Variants in ARL15 observed in about 807,000 individuals in gnomAD.
ARL15 encodes the protein ARF like GTPase 15, also known as ADP-ribosylation factor-like protein 15.
ARL15 carries 19 observed loss-of-function variants against 25.2 expected under a neutral mutation model. That is an observed-to-expected ratio of 0.75 (90% CI 0.53 to 1.10). The LOEUF (loss-of-function observed/expected upper bound fraction) is 1.10. ARL15 is among the 50% of genes least tolerant of loss of function. ARL15 has a pLI of 0.00. For synonymous variants in ARL15, 94 were observed against 86.8 expected, an observed-to-expected ratio of 1.08 and a Z score of -0.46; for missense variants, 220 against 246.0, an observed-to-expected ratio of 0.89 and a Z score of 0.71.
intron 1 of ARL15, among the ~76,000 whole-genome samples, chr5:54,263,528 C>T (rs934127621): frequency 3.3e-5 from 5 of 152,036 alleles, no homozygotes; most frequent in Admixed American, 3.3e-4. Flanking sequence ...TGTATGCTTC[C>T]CAGCCCATTA....
At chr5:54,203,949 G>A (rs931882710) in intron 1 of ARL15, among the ~76,000 whole-genome samples, 19 of 152,172 alleles carry the variant, frequency 1.2e-4, no homozygotes, top group African/African-American at 3.6e-4. Flanking sequence ...AGTCCCTGAG[G>A]GTTGTTTTTC....
intron 1 of ARL15, among the ~76,000 whole-genome samples, chr5:54,192,341 A>T (rs1755427796): frequency 6.6e-6 from 1 of 151,810 alleles, no homozygotes; most frequent in Non-Finnish European, 1.5e-5. Flanking sequence ...TTTCCCACAG[A>T]ACTTACTGTC....
chr5:53,886,695 G>C lies in ARL15; in HGVS notation c.481C>G (p.Leu161Val). 1.3e-6 allele frequency: 2 copies of C among 1,558,500 alleles called. No individual in the cohort carries two copies. The highest frequency in any genetic ancestry group is 1.7e-6 in the Non-Finnish European group (2 of 1,152,890). Reference sequence around the variant, plus strand: ...CGTTTTCCACGTGCAAGTGGTTCAAGTTCAAAATATTTTTTGATCTTAAGA... The same window carrying C: ...CGTTTTCCACGTGCAAGTGGTTCAACTTCAAAATATTTTTTGATCTTAAGA... ...SVQEIKKYFE[L>V]EPLARGKRWI... is the part of the protein sequence containing the mutation. Residue 161 changes from leucine (L) to valine (V), a missense_variant, in exon 5 of 5, where the codon CTT (leucine) becomes GTT (valine). Leu to Val is a conservative substitution (Grantham distance 32). Coordinates refer to ENST00000504924, the MANE Select transcript of ARL15 (RefSeq NM_019087.3).
At chr5:54,084,237 A>G (rs1293825216) in intron 4 of ARL15, among the ~76,000 whole-genome samples, 4 of 152,168 alleles carry the variant, frequency 2.6e-5, no homozygotes, top group Admixed American at 1.3e-4. Flanking sequence ...GAAGGGGTCT[A>G]GAAGGCCTTT....
chr5:54,147,338 C>G (rs1455622330), intron 3 of ARL15, among the ~76,000 whole-genome samples: 1 of 152,058 alleles, frequency 6.6e-6, no homozygotes, highest in Non-Finnish European at 1.5e-5. Context: ...AAGCATCTCT[C>G]CAAGGAGCTT....
rs199885624 is a variant in ARL15 at position 54,172,421 on chromosome 5, GA to G, written c.49-494del. Among the ~76,000 whole-genome samples the G allele has an allele frequency of 2.1e-3, 317 of 147,940 alleles. 4 individuals carry two copies. Among genetic ancestry groups the G allele is most frequent in the East Asian group, 8.1e-3 (41 of 5,034 alleles). Reference sequence around the variant, plus strand: ...TGGACTGGATCCTAGATCAAAAGGGGAAAAAAAAAGCCATAAATGACATTAT... The same window carrying G: ...TGGACTGGATCCTAGATCAAAAGGGGAAAAAAAAGCCATAAATGACATTAT... On this transcript the variant is annotated intron_variant, in intron 1 of 4. Transcript: ENST00000504924.
intron 4 of ARL15, among the ~76,000 whole-genome samples, chr5:54,077,614 G>T (rs966425379): frequency 2.0e-5 from 3 of 152,174 alleles, no homozygotes; most frequent in African/African-American, 7.2e-5. Context: ...TATACTAAAT[G>T]TTGCCCTGGG....
At chr5:54,211,140 T>A (rs1006112488) in intron 1 of ARL15, among the ~76,000 whole-genome samples, 12 of 152,214 alleles carry the variant, frequency 7.9e-5, no homozygotes, top group Non-Finnish European at 1.6e-4. Context: ...TTTCAGTTTA[T>A]CTTCCCAAAT....
chr5:53,989,761 A>T (rs2111648725), intron 4 of ARL15, among the ~76,000 whole-genome samples: 1 of 152,354 alleles, frequency 6.6e-6, no homozygotes, highest in Non-Finnish European at 1.5e-5. Flanking sequence ...TTTTGAAAAG[A>T]AAAATGAGAG....
At chr5:54,264,911 CTTTATTG>C (rs895701744) in intron 1 of ARL15, among the ~76,000 whole-genome samples, 1 of 152,140 alleles carries the variant, frequency 6.6e-6, no homozygotes, top group Non-Finnish European at 1.5e-5. Flanking sequence ...TACTTACCAT[CTTTATTG>C]TTTACTGTGT....
At chr5:53,962,955 AG>A (rs1297379821) in intron 4 of ARL15, among the ~76,000 whole-genome samples, 1 of 152,178 alleles carries the variant, frequency 6.6e-6, no homozygotes, top group Non-Finnish European at 1.5e-5. Flanking sequence ...TTAACTCTCC[AG>A]GCTTTAAATG....
At chr5:54,199,524 C>A (rs866090758) in intron 1 of ARL15, among the ~76,000 whole-genome samples, 1 of 151,768 alleles carries the variant, frequency 6.6e-6, no homozygotes, top group Non-Finnish European at 1.5e-5. Flanking sequence ...ATTTATGCAG[C>A]CAAAAAACAC....
At chr5:54,097,650 T>G (rs1752327665) in intron 4 of ARL15, among the ~76,000 whole-genome samples, 1 of 152,242 alleles carries the variant, frequency 6.6e-6, no homozygotes, top group Non-Finnish European at 1.5e-5. Flanking sequence ...TAATAACATT[T>G]AAGCTTGGTA....
At chr5:54,280,269 G>T (rs996370736) in intron 1 of ARL15, among the ~76,000 whole-genome samples, 1 of 152,096 alleles carries the variant, frequency 6.6e-6, no homozygotes, top group Admixed American at 6.6e-5. Context: ...TCAAATCCCA[G>T]CTTGGCAACT....
chr5:54,154,686 A>G (rs1477093128), intron 2 of ARL15, 47 bp from the exon 3 acceptor site: 2 of 1,184,736 alleles, frequency 1.7e-6, no homozygotes, highest in Non-Finnish European at 2.4e-6. Flanking sequence ...GCAACTTTTA[A>G]ATTAAAACAC....
At chr5:54,209,226 C>T (rs1251987174) in intron 1 of ARL15, among the ~76,000 whole-genome samples, 1 of 151,974 alleles carries the variant, frequency 6.6e-6, no homozygotes, top group Non-Finnish European at 1.5e-5. Flanking sequence ...GAGCGAAATC[C>T]TCAATTTCCA....
chr5:54,168,129 A>G (rs558133151), intron 2 of ARL15, among the ~76,000 whole-genome samples: 3 of 152,338 alleles, frequency 2.0e-5, no homozygotes, highest in Admixed American at 2.0e-4. Context: ...CTCAGTCCTT[A>G]AATCAGTGGC....
At chr5:54,201,691 T>C (rs1332288325) in intron 1 of ARL15, among the ~76,000 whole-genome samples, 1 of 152,130 alleles carries the variant, frequency 6.6e-6, no homozygotes, top group Non-Finnish European at 1.5e-5. Context: ...GTACTTGAAA[T>C]TGAACTCAAT....
chr5:54,292,560 A>C (rs1758361016), intron 1 of ARL15, among the ~76,000 whole-genome samples: 1 of 152,162 alleles, frequency 6.6e-6, no homozygotes, highest in African/African-American at 2.4e-5. Context: ...AACAGTTTGC[A>C]TTTCTGAGGG....
Sources: allele counts gnomAD v4.1 joint callset (sites outside exome capture counted in the v4.1 genomes callset), GRCh38; gene constraint gnomAD v4.1.1; transcripts MANE v1.5; gene names NCBI Gene and HGNC (gene_info 2026-07-23, HGNC 2026-07-21).